The following TCF20 variants were observed in gnomAD, a reference collection of about 807,000 sequenced individuals.
TCF20 encodes the protein transcription factor 20, also known as SPRE-binding protein.
In TCF20, 3 loss-of-function variants were observed where a neutral mutation model predicts 148.6. That is an observed-to-expected ratio of 0.02 (90% confidence interval 0.01 to 0.05). TCF20 has a LOEUF of 0.05. Among genes scored for constraint, TCF20 ranks in the 10% least tolerant of loss-of-function variants. The pLI is 1.00. For synonymous variants in TCF20, 1,049 were observed against 909.5 expected (o/e 1.15, Z -2.76); for missense variants, 2,350 against 2,429.3 (o/e 0.97, Z 0.69).
At chr22:42,267,051 C>T (rs1382513883) in intron 1 of TCF20, among the ~76,000 whole-genome samples, 1 of 151,700 alleles carries the variant, frequency 6.6e-6, no homozygotes, top group Admixed American at 6.6e-5. Context: ...AGGCGGCTCA[C>T]CTGAGGTCGA....
At chr22:42,174,785 C>CAA (rs1682457589) in intron 3 of TCF20, among the ~76,000 whole-genome samples, 1 of 151,900 alleles carries the variant, frequency 6.6e-6, no homozygotes, top group Non-Finnish European at 1.5e-5. Flanking sequence ...CCTGTAATCC[C>CAA]AGCACTTTGG....
At chr22:42,224,429 T>G (rs1052793914) in intron 1 of TCF20, among the ~76,000 whole-genome samples, 7 of 148,156 alleles carry the variant, frequency 4.7e-5, no homozygotes, top group South Asian at 2.1e-4. Context: ...ATCGCACCAC[T>G]GCACTCCAGC....
chr22:42,231,154 T>C (rs1041798189), intron 1 of TCF20, among the ~76,000 whole-genome samples: 1 of 151,964 alleles, frequency 6.6e-6, no homozygotes, highest in Non-Finnish European at 1.5e-5. Context: ...ACAGCAAGAC[T>C]CTGTCTCAAA....
intron 2 of TCF20, among the ~76,000 whole-genome samples, chr22:42,208,316 AT>A (rs1163419722): frequency 6.6e-6 from 1 of 152,228 alleles, no homozygotes; most frequent in Non-Finnish European, 1.5e-5. Context: ...AAGAAAAAAA[AT>A]AAGTAAATAA....
Position 42,209,935 on chromosome 22 carries a change from G to C in TCF20, c.5371C>G (p.Arg1791Gly), listed in dbSNP as rs1429923286. ...AAHPRFKRRH[R>G]SEDCGGGPRS... The stretch of plus-strand genomic sequence containing the variant: ...GGGCCTCCACCACAGTCTTCCGAGC[G>C]GTGGCGCCGCTTAAACCTGGGGTGT... Residue 1791 changes from arginine (R) to glycine (G), a missense_variant, in exon 2 of 6, where the codon CGC (arginine) becomes GGC (glycine). Arg to Gly is a moderately radical substitution (Grantham distance 125). Coordinates refer to ENST00000677622, the MANE Select transcript of TCF20 (RefSeq NM_001378418.1). The C allele has an allele frequency of 6.2e-7, 1 of 1,614,090 alleles. No individual in the cohort carries two copies.
intron 1 of TCF20, among the ~76,000 whole-genome samples, chr22:42,259,091 G>A (rs1452666776): frequency 6.6e-6 from 1 of 152,146 alleles, no homozygotes; most frequent in Non-Finnish European, 1.5e-5. Context: ...TACTGCCTCT[G>A]ACACGAAAAA....
intron 1 of TCF20, among the ~76,000 whole-genome samples, chr22:42,223,224 CAATT>C (rs1398903934): frequency 2.6e-5 from 4 of 152,082 alleles, no homozygotes; most frequent in African/African-American, 4.8e-5. Flanking sequence ...ACCTGTAACT[CAATT>C]AATGAATGAG....
chr22:42,299,329 A>C lies in TCF20; in HGVS notation c.-37+44150T>G, dbSNP rs1013901615. The stretch of plus-strand genomic sequence containing the variant: ...GGTCCTTCCCAGCCCCTCTCCCCAC[A>C]TCCAGCCCCCTGCTCTGGCACTCTC... On this transcript the variant is annotated intron_variant, in intron 1 of 1. Transcript: ENST00000515426. The surrounding 1 kb of genome is among the most constrained non-coding windows in gnomAD (Gnocchi z 4.1). Among the ~76,000 whole-genome samples the C allele has an allele frequency of 6.6e-6, 1 of 151,926 alleles. No individual in the cohort carries two copies. Among genetic ancestry groups the C allele is most frequent in the African/African-American group, 2.4e-5 (1 of 41,326 alleles).
At chr22:42,320,344 G>A (rs1927709423) in intron 1 of TCF20, among the ~76,000 whole-genome samples, 1 of 152,132 alleles carries the variant, frequency 6.6e-6, no homozygotes, top group African/African-American at 2.4e-5. Flanking sequence ...AGCAGCTGTG[G>A]ACCTTAGGCA....
At chr22:42,245,986 T>C (rs1332061894) in intron 1 of TCF20, among the ~76,000 whole-genome samples, 1 of 152,206 alleles carries the variant, frequency 6.6e-6, no homozygotes, top group Non-Finnish European at 1.5e-5. Context: ...TTGAACACCC[T>C]GAGGACAAGT....
At chr22:42,196,481 G>A (rs545077010) in intron 2 of TCF20, among the ~76,000 whole-genome samples, 1 of 152,102 alleles carries the variant, frequency 6.6e-6, no homozygotes, top group Non-Finnish European at 1.5e-5. Flanking sequence ...CTAGAAACAA[G>A]CAAACAGAAT....
At chr22:42,294,468 G>T (rs966927810) in intron 1 of TCF20, among the ~76,000 whole-genome samples, 2 of 152,146 alleles carry the variant, frequency 1.3e-5, no homozygotes, top group Non-Finnish European at 2.9e-5. Flanking sequence ...GGTCGGCGTG[G>T]CAGAGGCAGG....
upstream of TCF20, chr22:42,274,987 G>A (rs1232206711): frequency 5.3e-5 from 8 of 152,222 alleles, no homozygotes; most frequent in Admixed American, 4.6e-4. Context: ...CTATTTTACA[G>A]ATGGGGCCAC....
chr22:42,336,218 T>C (rs961938346), intron 1 of TCF20, among the ~76,000 whole-genome samples: 1 of 152,088 alleles, frequency 6.6e-6, no homozygotes, highest in Non-Finnish European at 1.5e-5. Context: ...ACTGGGTGTG[T>C]CCAGGGCAGC....
chr22:42,315,332 T>C (rs1927609787), intron 1 of TCF20, among the ~76,000 whole-genome samples: 1 of 150,860 alleles, frequency 6.6e-6, no homozygotes, highest in Admixed American at 6.6e-5. Flanking sequence ...CCATCTGGGG[T>C]CCTCATGGCA....
chr22:42,231,946 A>AAAAAT (rs1923454708), intron 1 of TCF20, among the ~76,000 whole-genome samples: 1 of 142,196 alleles, frequency 7.0e-6, no homozygotes. Context: ...AAAAAAAAAA[A>AAAAAT]GTTACAGTAA....
intron 1 of TCF20, among the ~76,000 whole-genome samples, chr22:42,340,497 G>C (rs951140427): frequency 9.2e-5 from 14 of 152,178 alleles, no homozygotes; most frequent in African/African-American, 3.4e-4. Context: ...GAGGCTCAGA[G>C]GGCCCAGGGC....
At chr22:42,255,984 T>C (rs1925720058) in intron 1 of TCF20, among the ~76,000 whole-genome samples, 1 of 152,198 alleles carries the variant, frequency 6.6e-6, no homozygotes, top group Admixed American at 6.5e-5. Flanking sequence ...ATTGATAATA[T>C]GCTACATACT....
rs1926856622 is a variant in TCF20, at chr22:42,279,612, G to A, written c.-37+4215C>T. ...CCCGAGTGAGGGCTGCAGGCACACA[G>A]TGACTGCGCTTCTCAGTGCCACAAG... On this transcript the variant is annotated intron_variant, in intron 1 of 5. Coordinates refer to the TCF20 transcript ENST00000359486. This position sits in a 1 kb window ranked among gnomAD's most constrained non-coding sequence, Gnocchi z 4.3. 6.6e-6 allele frequency among the ~76,000 whole-genome samples: 1 copy of A among 152,246 alleles called. No individual in the cohort carries two copies. Among genetic ancestry groups the A allele is most frequent in the South Asian group, 2.1e-4 (1 of 4,836 alleles).
Sources: allele counts gnomAD v4.1 joint callset (sites outside exome capture counted in the v4.1 genomes callset), GRCh38; gene constraint gnomAD v4.1.1; non-coding constraint Gnocchi (gnomAD v3.1); transcripts MANE v1.5; gene names NCBI Gene and HGNC (gene_info 2026-07-23, HGNC 2026-07-21).